The following SCN2A variants were observed in gnomAD, a reference collection of about 807,000 sequenced individuals.
The protein encoded by SCN2A is sodium voltage-gated channel alpha subunit 2, also known as sodium channel protein type 2 subunit alpha.
Under a neutral mutation model 188.7 loss-of-function variants are expected in SCN2A, and 20 were observed. The observed-to-expected ratio is 0.11, with a 90% CI of 0.07 to 0.15. The LOEUF is 0.15. Ranked by LOEUF, SCN2A falls within the 10% of genes least tolerant of loss-of-function variation. The pLI is 1.00. For synonymous variants in SCN2A, 804 were observed against 833.1 expected, an observed-to-expected ratio of 0.97 and a Z score of 0.60; for missense variants, 1,278 against 2,445.0, an observed-to-expected ratio of 0.52 and a Z score of 10.07.
chr2:165,327,079 T>C (rs1698397221), intron 13 of SCN2A, 95 bp downstream of exon 13: 2 of 1,426,946 alleles, frequency 1.4e-6, no homozygotes, highest in Non-Finnish European at 9.9e-7. Flanking sequence ...TGACTTGATA[T>C]TGTATCATTA....
chr2:165,289,453 G>A (rs2106134532), intron 1 of SCN2A, among the ~76,000 whole-genome samples: 1 of 152,060 alleles, frequency 6.6e-6, no homozygotes, highest in East Asian at 1.9e-4. Flanking sequence ...AATATCGTTT[G>A]CCTTTCTCAT....
chr2:165,318,800 T>C (rs2105266806), intron 11 of SCN2A, among the ~76,000 whole-genome samples: 1 of 152,282 alleles, frequency 6.6e-6, no homozygotes, highest in South Asian at 2.1e-4. Context: ...GAGCAGTATG[T>C]CACACATCCT....
chr2:165,381,964 A>G (rs898061846), intron 25 of SCN2A, among the ~76,000 whole-genome samples: 5 of 152,066 alleles, frequency 3.3e-5, no homozygotes, highest in Non-Finnish European at 5.9e-5. Context: ...TATTGGTGAC[A>G]ATATAAAACA....
At chr2:165,265,515 A>ATATATT (rs1188795670) in intron 1 of SCN2A, among the ~76,000 whole-genome samples, 35 of 115,434 alleles carry the variant, frequency 3.0e-4, no homozygotes, top group East Asian at 1.7e-3. Flanking sequence ...ATATATATAT[A>ATATATT]TTGCTGTGCA....
At chr2:165,307,726 G>T in intron 3 of SCN2A, 122 bp from the exon 4 acceptor site, 1 of 760,844 alleles carries the variant, frequency 1.3e-6, no homozygotes, top group East Asian at 2.5e-5. Flanking sequence ...GTCAATAATA[G>T]AATAATAAGC....
chr2:165,372,350 T>C (rs887667274), intron 20 of SCN2A: 1 of 152,164 alleles, frequency 6.6e-6, no homozygotes, highest in Non-Finnish European at 1.5e-5. Flanking sequence ...TCACTTATTT[T>C]CCTTAAAAAA....
At chr2:165,285,711 C>G (rs1695797459) in intron 1 of SCN2A, 1 of 219,906 alleles carries the variant, frequency 4.5e-6, no homozygotes, top group Non-Finnish European at 1.0e-5. Flanking sequence ...CTCTAGCAAT[C>G]CAGCTCCACA....
intron 25 of SCN2A, among the ~76,000 whole-genome samples, chr2:165,381,867 C>T (rs1302280191): frequency 6.6e-6 from 1 of 151,970 alleles, no homozygotes; most frequent in Non-Finnish European, 1.5e-5. Context: ...AGGACTAGCT[C>T]ATATATTAAG....
intron 16 of SCN2A, among the ~76,000 whole-genome samples, chr2:165,347,926 G>T (rs1208805410): frequency 2.0e-5 from 3 of 152,146 alleles, no homozygotes; most frequent in Non-Finnish European, 2.9e-5. Context: ...GGTACCCAGT[G>T]ACTGAGGGAT....
At chr2:165,252,492 C>T (rs1020758968) in intron 1 of SCN2A, among the ~76,000 whole-genome samples, 4 of 151,744 alleles carry the variant, frequency 2.6e-5, no homozygotes, top group South Asian at 2.1e-4. Context: ...CAATTATTTC[C>T]CTGAAAATGC....
At chr2:165,245,949 G>T (rs376488721) in intron 1 of SCN2A, among the ~76,000 whole-genome samples, 1 of 152,176 alleles carries the variant, frequency 6.6e-6, no homozygotes, top group South Asian at 2.1e-4. Flanking sequence ...TCCATCAACC[G>T]AAATCTCTAA....
chr2:165,351,566 A>T (rs1208760553), intron 16 of SCN2A, among the ~76,000 whole-genome samples: 1 of 103,708 alleles, frequency 9.6e-6, no homozygotes, highest in Non-Finnish European at 2.0e-5. Context: ...CCTTGTAGTT[A>T]GACTTTCAAA....
chr2:165,328,433 C>G, intron 13 of SCN2A: 1 of 972,622 alleles, frequency 1.0e-6, no homozygotes, highest in South Asian at 4.8e-5. Context: ...TCTGGCCTTC[C>G]GCTCCTTGCC....
chr2:165,348,307 C>G (rs767597836), intron 16 of SCN2A, among the ~76,000 whole-genome samples: 2 of 145,618 alleles, frequency 1.4e-5, no homozygotes, highest in Middle Eastern at 3.4e-3. Flanking sequence ...GGCAGTGACC[C>G]GAGATTGTGC....
In SCN2A at chr2:165,389,968, AAGACAG is replaced by A; in HGVS notation, c.*149_*154del. On this transcript the variant is annotated 3_prime_UTR_variant, in exon 27 of 27. Transcript: ENST00000375437. The surrounding 1 kb of genome is among the most constrained non-coding windows in gnomAD (Gnocchi z 4.2). The stretch of plus-strand genomic sequence containing the variant: ...TATACTTAAGGTCAGTGCCTATAAC[AAGACAG>A]AGACCTCTGGTCAGCAAACTGGAAC... The A allele has an allele frequency of 7.4e-7, 1 of 1,347,738 alleles. No individual in the cohort carries two copies. The highest frequency in any genetic ancestry group is 1.5e-5 in the South Asian group (1 of 67,682). 83.5% of individuals were successfully genotyped at this position (1,347,738 alleles called of 1,614,324 possible).
At chr2:165,261,435 G>A (rs1317089164) in intron 1 of SCN2A, among the ~76,000 whole-genome samples, 1 of 152,248 alleles carries the variant, frequency 6.6e-6, no homozygotes, top group Non-Finnish European at 1.5e-5. Flanking sequence ...CAGAAGGCCA[G>A]AGGTTGCTAA....
chr2:165,346,913 AATGGCGATC>A (rs1161172643), intron 16 of SCN2A, among the ~76,000 whole-genome samples: 1 of 152,238 alleles, frequency 6.6e-6, no homozygotes, highest in African/African-American at 2.4e-5. Context: ...CGCCAGTTAG[AATGGCGATC>A]ATTAAAAAGT....
At chr2:165,326,117 G>A (rs541951280) in intron 12 of SCN2A, among the ~76,000 whole-genome samples, 9 of 151,836 alleles carry the variant, frequency 5.9e-5, no homozygotes, top group Non-Finnish European at 1.3e-4. Context: ...TCCTGAAGTA[G>A]GAATAAATTT....
intron 1 of SCN2A, among the ~76,000 whole-genome samples, chr2:165,256,000 C>CTTTTTTT (rs765804959): frequency 0.019 from 1,710 of 88,354 alleles, 146 homozygotes; most frequent in African/African-American, 0.077. Flanking sequence ...GGGCTCTTTT[C>CTTTTTTT]TTTTTTTTTT....
Sources: allele counts gnomAD v4.1 joint callset (sites outside exome capture counted in the v4.1 genomes callset), GRCh38; gene constraint gnomAD v4.1.1; non-coding constraint Gnocchi (gnomAD v3.1); transcripts MANE v1.5; gene names NCBI Gene and HGNC (gene_info 2026-07-23, HGNC 2026-07-21).